The following MICAL2 variants were observed in gnomAD, a reference collection of about 807,000 sequenced individuals.
MICAL2 encodes the protein microtubule associated monooxygenase, calponin and LIM domain containing 2.
MICAL2 carries 77 observed loss-of-function variants against 127.3 expected under a neutral mutation model. The ratio of observed to expected loss-of-function variants is 0.60; its 90% CI spans 0.50 to 0.73. The LOEUF (loss-of-function observed/expected upper bound fraction) is 0.73. Ranked by LOEUF, MICAL2 falls within the 30% of genes least tolerant of loss-of-function variation. The pLI, the probability that MICAL2 is intolerant of heterozygous loss-of-function variation, is 0.00. For synonymous variants in MICAL2, 570 were observed against 551.1 expected (o/e 1.03, Z -0.48); for missense variants, 1,351 against 1,434.4 (o/e 0.94, Z 0.94).
intron 1 of MICAL2, among the ~76,000 whole-genome samples, chr11:12,127,031 G>A (rs1041940537): frequency 7.2e-5 from 11 of 152,150 alleles, no homozygotes; most frequent in South Asian, 2.1e-4. Context: ...GGTGGGCAGC[G>A]GGAAATGAGG....
chr11:12,196,101 A>C (rs1290250101), intron 3 of MICAL2: 1 of 153,516 alleles, frequency 6.5e-6, no homozygotes, highest in African/African-American at 2.4e-5. Context: ...GATGGCCATG[A>C]CTTGGATAAG....
At chr11:12,224,045 C>T (rs1857123273) in intron 12 of MICAL2, among the ~76,000 whole-genome samples, 2 of 152,310 alleles carry the variant, frequency 1.3e-5, no homozygotes, top group African/African-American at 4.8e-5. Flanking sequence ...TAGGCAAACT[C>T]AGCTGTACTC....
chr11:12,150,959 G>C (rs1853512948), intron 2 of MICAL2, among the ~76,000 whole-genome samples: 1 of 152,114 alleles, frequency 6.6e-6, no homozygotes, highest in African/African-American at 2.4e-5. Context: ...CGCTTATTGA[G>C]CTCATCTGTG....
chr11:12,296,298 G>A (rs1863984709), downstream of MICAL2, among the ~76,000 whole-genome samples: 1 of 150,428 alleles, frequency 6.6e-6, no homozygotes, highest in Non-Finnish European at 1.5e-5. Flanking sequence ...CTTCTATTTT[G>A]AAACATAAGT....
At chr11:12,279,962 C>A (rs963970317) in intron 1 of MICAL2, among the ~76,000 whole-genome samples, 50 of 152,342 alleles carry the variant, frequency 3.3e-4, no homozygotes, top group African/African-American at 1.2e-3. Flanking sequence ...AGGAACCCTG[C>A]TGGATTTCCA....
chr11:12,154,035 T>G (rs1297308430), intron 2 of MICAL2, among the ~76,000 whole-genome samples: 1 of 152,098 alleles, frequency 6.6e-6, no homozygotes, highest in Non-Finnish European at 1.5e-5. Context: ...GAGATTTGGG[T>G]TGGAGGCAAT....
intron 32 of MICAL2, among the ~76,000 whole-genome samples, chr11:12,334,208 T>C (rs2134867381): frequency 6.6e-6 from 1 of 152,282 alleles, no homozygotes; most frequent in African/African-American, 2.4e-5. Context: ...GATACCAAAA[T>C]TTGAGGATGC....
chr11:12,251,289 T>C (rs1043210391), intron 22 of MICAL2, among the ~76,000 whole-genome samples: 16 of 151,090 alleles, frequency 1.1e-4, no homozygotes, highest in African/African-American at 3.7e-4. Context: ...AGCCAGCTAG[T>C]TAGTTATATC....
chr11:12,246,971 A>T (rs1860844234), intron 21 of MICAL2, among the ~76,000 whole-genome samples: 1 of 152,146 alleles, frequency 6.6e-6, no homozygotes, highest in Non-Finnish European at 1.5e-5. Flanking sequence ...GGTGGTGGGG[A>T]CCTGGAATGC....
intron 3 of MICAL2, among the ~76,000 whole-genome samples, chr11:12,194,287 T>G (rs369980451): frequency 6.6e-6 from 1 of 152,208 alleles, no homozygotes; most frequent in Non-Finnish European, 1.5e-5. Flanking sequence ...AATCCTAGCT[T>G]CACCACTGAA....
chr11:12,158,506 A>G (rs1854435018), intron 2 of MICAL2, among the ~76,000 whole-genome samples: 1 of 55,300 alleles, frequency 1.8e-5, no homozygotes, highest in African/African-American at 3.6e-5. Context: ...ATTCAGGAAA[A>G]AAAAAAAACA....
intron 3 of MICAL2, among the ~76,000 whole-genome samples, chr11:12,185,588 T>C (rs1858129402): frequency 6.6e-6 from 1 of 152,162 alleles, no homozygotes; most frequent in African/African-American, 2.4e-5. Flanking sequence ...ACTGTTACCA[T>C]TTCATGGATG....
At chr11:12,226,035 T>G (rs1291361787) in intron 13 of MICAL2, 136 bp from the exon 14 acceptor site, 1 of 761,356 alleles carries the variant, frequency 1.3e-6, no homozygotes. Context: ...GGGGCTGGGG[T>G]CACTATTCCT....
Position 12,162,083 on chromosome 11 carries a change from G to T in MICAL2, c.-73G>T. On this transcript the variant is annotated 5_prime_UTR_variant, in exon 3 of 28. An upstream open reading frame in the 5' UTR loses its in-frame stop. Transcript: ENST00000683283. ...TGCCTCCCCCTACTTTCACAGGTGT[G>T]ACGTTTCTCCAGATACTTCATGCTG... 1.3e-6 allele frequency: 2 copies of T among 1,592,266 alleles called. No individual in the cohort carries two copies. The highest frequency in any genetic ancestry group is 2.2e-4 in the Middle Eastern group (1 of 4,612).
chr11:12,209,220 A>G (rs115116633), intron 5 of MICAL2, among the ~76,000 whole-genome samples: 3 of 152,324 alleles, frequency 2.0e-5, no homozygotes, highest in African/African-American at 7.2e-5. Flanking sequence ...AGAGTAGTTT[A>G]TGGAGCATTG....
chr11:12,260,090 C>A (rs1429482078), intron 26 of MICAL2, 193 bp downstream of exon 26: 2 of 1,536,694 alleles, frequency 1.3e-6, no homozygotes, highest in Non-Finnish European at 1.7e-6. Context: ...GAGGTCCTGG[C>A]AGCCATGTAC....
chr11:12,298,399 G>C (rs1291308752), intron 29 of MICAL2, among the ~76,000 whole-genome samples: 1 of 152,016 alleles, frequency 6.6e-6, no homozygotes, highest in Non-Finnish European at 1.5e-5. Context: ...GGATTCCCCT[G>C]AGTTCCCCCC....
chr11:12,261,874 C>A, intron 26 of MICAL2: 1 of 985,926 alleles, frequency 1.0e-6, no homozygotes, highest in Non-Finnish European at 1.2e-6. Context: ...TGGGAGGAAC[C>A]CTTGATTCCT....
intron 1 of MICAL2, among the ~76,000 whole-genome samples, chr11:12,132,861 A>T (rs1353447093): frequency 6.6e-6 from 1 of 152,158 alleles, no homozygotes; most frequent in Non-Finnish European, 1.5e-5. Context: ...GTACCAACTG[A>T]TGCTTGTATC....
Sources: gnomAD v4.1 joint callset for allele counts (sites outside exome capture counted in the v4.1 genomes callset) on GRCh38, gnomAD v4.1.1 for gene constraint, MANE v1.5 for transcripts, NCBI Gene and HGNC (gene_info 2026-07-23, HGNC 2026-07-21) for gene names.